The following SEC14L1 variants were observed in gnomAD, a reference collection of about 807,000 sequenced individuals.
SEC14L1 encodes the protein SEC14 like lipid binding 1, also known as SEC14-like protein 1.
A neutral mutation model predicts 85.3 loss-of-function variants in SEC14L1; 48 were observed. The ratio of observed to expected loss-of-function variants is 0.56; its 90% CI spans 0.45 to 0.72. The LOEUF is 0.72. Ranked by LOEUF, SEC14L1 falls within the 30% of genes least tolerant of loss-of-function variation. The pLI, the probability that SEC14L1 is intolerant of heterozygous loss-of-function variation, is 0.00. For synonymous variants in SEC14L1, 391 were observed against 355.5 expected (o/e 1.10, Z -1.12); for missense variants, 682 against 921.4 (o/e 0.74, Z 3.36).
In SEC14L1 at chr17:77,215,805, G is replaced by A. The variant is rs570845400; in HGVS notation, c.*1782G>A. Reference sequence around the variant, plus strand: ...GTAGGGTTCGTAGGTAGGGTTCGTAGGTAGGGCTGGTAGGTAGGGTTAGTA... The same window carrying A: ...GTAGGGTTCGTAGGTAGGGTTCGTAAGTAGGGCTGGTAGGTAGGGTTAGTA... On this transcript the variant is annotated 3_prime_UTR_variant, in exon 17 of 17. Transcript: ENST00000436233. The A allele has an allele frequency of 2.9e-5, 28 of 956,254 alleles. No homozygotes were observed. The highest frequency in any genetic ancestry group is 4.1e-5 in the African/African-American group (2 of 49,218). The allele number at this position is 956,254 out of a possible 1,614,324, so 59.2% of individuals were successfully genotyped here.
At chr17:77,163,582 G>T (rs1312308025) in intron 3 of SEC14L1, among the ~76,000 whole-genome samples, 4 of 152,132 alleles carry the variant, frequency 2.6e-5, no homozygotes, top group Non-Finnish European at 5.9e-5. Context: ...AGTTCATTCA[G>T]AGAGTCCCTC....
intron 3 of SEC14L1, among the ~76,000 whole-genome samples, chr17:77,146,752 C>T (rs1345515574): frequency 6.6e-6 from 1 of 152,022 alleles, no homozygotes; most frequent in African/African-American, 2.4e-5. Flanking sequence ...ATTCTTCCAC[C>T]CTGTAGTATA....
chr17:77,178,258 C>T (rs569348599), intron 3 of SEC14L1, among the ~76,000 whole-genome samples: 2 of 152,204 alleles, frequency 1.3e-5, no homozygotes, highest in South Asian at 4.2e-4. Flanking sequence ...CTCAGAGCTG[C>T]AAGAACACGG....
chr17:77,191,312 C>A lies in SEC14L1; in HGVS notation c.345C>A (p.Thr115=). 6.2e-7 allele frequency: 1 copy of A among 1,613,868 alleles called. No homozygotes were observed. Among genetic ancestry groups the A allele is most frequent in the Non-Finnish European group, 8.5e-7 (1 of 1,179,868 alleles). ...TCATTAATGAGCATTGCTGCTACAC[C>A]GTGAGTAATCTGTCACTCGGCGGAA... ...RVIINEHCCY[T]VHPENEDWTC... is the part of the protein sequence containing the mutation. The change falls in exon 5 of 17, where the codon ACC becomes ACA. Residue 115 remains threonine (T), a splice_region_variant and synonymous_variant. Transcript: ENST00000436233.
chr17:77,180,428 T>G (rs1193863765), intron 3 of SEC14L1, among the ~76,000 whole-genome samples: 1 of 152,054 alleles, frequency 6.6e-6, no homozygotes, highest in Non-Finnish European at 1.5e-5. Context: ...TATTTTCTTG[T>G]TTTTGTTTGA....
chr17:77,167,434 C>T (rs1483256458), intron 3 of SEC14L1, among the ~76,000 whole-genome samples: 1 of 152,160 alleles, frequency 6.6e-6, no homozygotes, highest in Non-Finnish European at 1.5e-5. Context: ...TGCGCCTGGC[C>T]AGTTTTCTTA....
intron 5 of SEC14L1, 95 bp downstream of exon 5, chr17:77,191,407 T>C: frequency 7.3e-7 from 1 of 1,369,472 alleles, no homozygotes; most frequent in Non-Finnish European, 1.0e-6. Flanking sequence ...CTTTTTGTCT[T>C]AGAGGGCAGT....
intron 3 of SEC14L1, among the ~76,000 whole-genome samples, chr17:77,123,310 A>G (rs947554361): frequency 4.0e-5 from 6 of 151,498 alleles, no homozygotes; most frequent in African/African-American, 1.5e-4. Context: ...CGGCCTCCCA[A>G]AGTGCTGGGA....
intron 14 of SEC14L1, 81 bp from the exon 15 acceptor site, chr17:77,211,869 C>G (rs1197543885): frequency 1.9e-6 from 3 of 1,554,730 alleles, no homozygotes; most frequent in African/African-American, 2.7e-5. Context: ...CACCCTGGAT[C>G]CCCTGGAGAG....
intron 3 of SEC14L1, chr17:77,144,810 C>CT: frequency 6.6e-6 from 1 of 152,308 alleles, no homozygotes; most frequent in East Asian, 1.9e-4. Flanking sequence ...TGGGGTTTCT[C>CT]TATGTTGGCC....
intron 3 of SEC14L1, among the ~76,000 whole-genome samples, chr17:77,118,747 G>A (rs900594965): frequency 1.3e-5 from 2 of 152,208 alleles, no homozygotes; most frequent in Non-Finnish European, 2.9e-5. Flanking sequence ...GTGCATGCAG[G>A]CGGTGCACCT....
intron 3 of SEC14L1, among the ~76,000 whole-genome samples, chr17:77,101,554 T>G (rs1971778053): frequency 2.0e-5 from 3 of 152,152 alleles, no homozygotes; most frequent in Admixed American, 2.0e-4. Flanking sequence ...TTGTTGCATT[T>G]TTGGTCTAAG....
At chr17:77,194,970 TTC>T (rs765558201) in intron 7 of SEC14L1, 59 bp downstream of exon 7, 6 of 1,261,896 alleles carry the variant, frequency 4.8e-6, no homozygotes, top group Middle Eastern at 1.9e-4. Flanking sequence ...CGTTGCCGTT[TTC>T]TCTCTGTTTG....
chr17:77,197,683 C>T (rs182933038), intron 8 of SEC14L1, among the ~76,000 whole-genome samples: 1 of 151,842 alleles, frequency 6.6e-6, no homozygotes, highest in East Asian at 1.9e-4. Flanking sequence ...AGTCTTGGGT[C>T]ACTACAATCT....
At chr17:77,182,497 T>A (rs546466894) in intron 3 of SEC14L1, among the ~76,000 whole-genome samples, 3 of 152,198 alleles carry the variant, frequency 2.0e-5, no homozygotes, top group African/African-American at 7.2e-5. Context: ...ACTGAAACAA[T>A]TGCTGTGTAA....
intron 3 of SEC14L1, among the ~76,000 whole-genome samples, chr17:77,181,729 T>A (rs1975049039): frequency 6.6e-6 from 1 of 152,202 alleles, no homozygotes; most frequent in Admixed American, 6.5e-5. Flanking sequence ...TATGAGTTTT[T>A]CTGTCTTGCC....
intron 3 of SEC14L1, among the ~76,000 whole-genome samples, chr17:77,153,751 T>A (rs1670315207): frequency 6.6e-6 from 1 of 152,130 alleles, no homozygotes; most frequent in African/African-American, 2.4e-5. Context: ...CTGTTGTCTC[T>A]TTTATTAGAG....
chr17:77,128,925 G>T (rs917618088), intron 3 of SEC14L1, among the ~76,000 whole-genome samples: 5 of 152,020 alleles, frequency 3.3e-5, no homozygotes, highest in Admixed American at 3.3e-4. Context: ...AAATTCCTTT[G>T]TATTTTTTTC....
intron 3 of SEC14L1, among the ~76,000 whole-genome samples, chr17:77,167,007 T>C (rs1213426996): frequency 6.6e-6 from 1 of 152,210 alleles, no homozygotes; most frequent in East Asian, 1.9e-4. Flanking sequence ...TCTTCATGGG[T>C]AGGACCCTTG....
Sources: allele counts gnomAD v4.1 joint callset (sites outside exome capture counted in the v4.1 genomes callset), GRCh38; gene constraint gnomAD v4.1.1; transcripts MANE v1.5; gene names NCBI Gene and HGNC (gene_info 2026-07-23, HGNC 2026-07-21).